CNTN4: variants seen among roughly 807,000 people sequenced by gnomAD.
The protein encoded by CNTN4 is contactin 4.
In CNTN4, 77 loss-of-function variants were observed where a neutral mutation model predicts 122.5. The ratio of observed to expected loss-of-function variants is 0.63; its 90% CI spans 0.52 to 0.76. The LOEUF (loss-of-function observed/expected upper bound fraction) is 0.76. CNTN4 is among the 30% of genes least tolerant of loss of function. The probability of loss-of-function intolerance (pLI) is 0.00; values close to 1 mark genes in which losing one functional copy is unlikely to be tolerated. For missense variants in CNTN4, 1,256 were observed against 1,259.1 expected (o/e 1.00, Z 0.04); for synonymous variants, 512 against 447.0 (o/e 1.15, Z -1.83).
intron 6 of CNTN4, among the ~76,000 whole-genome samples, chr3:2,781,849 C>A (rs942400029): frequency 1.5e-5 from 2 of 131,558 alleles, no homozygotes; most frequent in Non-Finnish European, 3.1e-5. Context: ...CTCAGCCTCC[C>A]GAGTAGCTGG....
intron 3 of CNTN4, among the ~76,000 whole-genome samples, chr3:2,538,474 A>C (rs2077898898): frequency 6.6e-6 from 1 of 152,034 alleles, no homozygotes; most frequent in African/African-American, 2.4e-5. Context: ...TTTCTATGTT[A>C]TTTCTAATAG....
At chr3:2,586,827 C>T (rs1356180242) in intron 4 of CNTN4, among the ~76,000 whole-genome samples, 1 of 152,156 alleles carries the variant, frequency 6.6e-6, no homozygotes, top group East Asian at 1.9e-4. Flanking sequence ...CAACTGTCCT[C>T]CAACACCCAA....
chr3:2,789,019 C>T (rs1327063692), intron 6 of CNTN4, among the ~76,000 whole-genome samples: 1 of 151,812 alleles, frequency 6.6e-6, no homozygotes, highest in African/African-American at 2.4e-5. Flanking sequence ...ATTTTATTTT[C>T]TCTTTATGCC....
At chr3:2,318,258 A>G (rs939353854) in intron 2 of CNTN4, among the ~76,000 whole-genome samples, 2 of 151,756 alleles carry the variant, frequency 1.3e-5, no homozygotes, top group African/African-American at 4.8e-5. Flanking sequence ...ATTGATATGT[A>G]ATCATGTGAC....
At chr3:2,867,258 A>C (rs2093734659) in intron 8 of CNTN4, among the ~76,000 whole-genome samples, 1 of 152,214 alleles carries the variant, frequency 6.6e-6, no homozygotes, top group Admixed American at 6.5e-5. Flanking sequence ...ACACAGTCAG[A>C]ATGAAGTGAA....
intron 2 of CNTN4, among the ~76,000 whole-genome samples, chr3:2,220,344 T>C (rs553246492): frequency 1.3e-5 from 2 of 152,290 alleles, no homozygotes; most frequent in Non-Finnish European, 2.9e-5. Context: ...CAATTACTAA[T>C]GGACAAATTC....
chr3:2,350,085 C>T (rs894024623), intron 3 of CNTN4, among the ~76,000 whole-genome samples: 4 of 152,052 alleles, frequency 2.6e-5, no homozygotes, highest in African/African-American at 2.4e-5. Flanking sequence ...GAGAAGTCAT[C>T]GTGGTTGTTT....
rs1477813918 is a variant in CNTN4, at chr3:2,766,938, G to T, written c.358+21241G>T. ...GGTTTGGAAGCTAAAGGTGGAAAGT[G>T]AGATTAAATACTATAGGGCATGGAA... On this transcript the variant is annotated intron_variant, in intron 6 of 24. Transcript: ENST00000418658. 2.6e-5 allele frequency among the ~76,000 whole-genome samples: 4 copies of T among 152,180 alleles called. No homozygotes were observed. In the East Asian group the frequency reaches 7.7e-4, roughly 29 times the overall value.
At chr3:2,143,911 C>G (rs1002628294) in intron 2 of CNTN4, among the ~76,000 whole-genome samples, 2 of 152,058 alleles carry the variant, frequency 1.3e-5, no homozygotes, top group African/African-American at 4.8e-5. Context: ...ATTGATTTAC[C>G]ATAATATTTT....
chr3:2,901,235 C>T (rs955625965), intron 11 of CNTN4, among the ~76,000 whole-genome samples: 4 of 152,166 alleles, frequency 2.6e-5, no homozygotes, highest in African/African-American at 9.6e-5. Flanking sequence ...AGGGGTAGAG[C>T]GGAGACCCTG....
intron 2 of CNTN4, among the ~76,000 whole-genome samples, chr3:2,216,809 T>TA (rs920171946): frequency 2.6e-5 from 4 of 152,148 alleles, no homozygotes; most frequent in African/African-American, 7.2e-5. Flanking sequence ...ACTCCATAGT[T>TA]ACGGCCTCTT....
chr3:2,964,979 G>T (rs1012109302), intron 13 of CNTN4, among the ~76,000 whole-genome samples: 6 of 152,170 alleles, frequency 3.9e-5, no homozygotes, highest in Non-Finnish European at 8.8e-5. Context: ...AGCAGTGAAT[G>T]AGAAAAAGAT....
chr3:2,973,582 C>A (rs992631949), intron 13 of CNTN4, among the ~76,000 whole-genome samples: 12 of 151,952 alleles, frequency 7.9e-5, no homozygotes, highest in Admixed American at 3.3e-4. Flanking sequence ...AGAAATCAGT[C>A]CTAATCCCAG....
At chr3:2,570,370 T>A (rs2149486494) in intron 3 of CNTN4, among the ~76,000 whole-genome samples, 1 of 151,766 alleles carries the variant, frequency 6.6e-6, no homozygotes, top group South Asian at 2.1e-4. Context: ...AAGGTGGGGG[T>A]CTCGCTATGT....
At chr3:2,694,534 A>C (rs2085916425) in intron 4 of CNTN4, among the ~76,000 whole-genome samples, 1 of 152,210 alleles carries the variant, frequency 6.6e-6, no homozygotes, top group Admixed American at 6.5e-5. Flanking sequence ...GTTCGAGATC[A>C]GCCTGGCAAA....
intron 7 of CNTN4, among the ~76,000 whole-genome samples, chr3:2,824,795 T>C (rs1451302957): frequency 6.6e-6 from 1 of 151,884 alleles, no homozygotes. Context: ...CCCAAGTAGC[T>C]GGGATTACAG....
chr3:2,617,100 A>T (rs1018502018), intron 4 of CNTN4, among the ~76,000 whole-genome samples: 7 of 152,232 alleles, frequency 4.6e-5, no homozygotes, highest in African/African-American at 1.7e-4. Flanking sequence ...TCATGACGTC[A>T]ATGCCAAAAG....
At chr3:2,672,514 C>T (rs1364549728) in intron 4 of CNTN4, among the ~76,000 whole-genome samples, 1 of 152,212 alleles carries the variant, frequency 6.6e-6, no homozygotes, top group Non-Finnish European at 1.5e-5. Flanking sequence ...CCGTCTGTCA[C>T]CCCTTTCCTT....
intron 3 of CNTN4, among the ~76,000 whole-genome samples, chr3:2,386,199 C>T (rs1297485895): frequency 2.0e-5 from 3 of 151,506 alleles, no homozygotes; most frequent in Non-Finnish European, 4.4e-5. Flanking sequence ...TGAACTCAAA[C>T]ATTCTCTGAA....
Sources: allele counts gnomAD v4.1 joint callset (sites outside exome capture counted in the v4.1 genomes callset), GRCh38; gene constraint gnomAD v4.1.1; transcripts MANE v1.5; gene names NCBI Gene and HGNC (gene_info 2026-07-23, HGNC 2026-07-21).